The following MYO5C variants were observed in gnomAD, a reference collection of about 807,000 sequenced individuals.
The protein encoded by MYO5C is myosin VC.
MYO5C carries 194 observed loss-of-function variants against 235.7 expected under a neutral mutation model. The observed-to-expected ratio is 0.82, with a 90% CI of 0.73 to 0.93. The LOEUF is 0.93. MYO5C is among the 40% of genes least tolerant of loss of function. The pLI is 0.00. For missense variants in MYO5C, 2,038 were observed against 2,127.2 expected (o/e 0.96, Z 0.82); for synonymous variants, 707 against 754.8 (o/e 0.94, Z 1.04).
intron 38 of MYO5C, among the ~76,000 whole-genome samples, chr15:52,202,689 C>G (rs2035215388): frequency 6.6e-6 from 1 of 152,128 alleles, no homozygotes; most frequent in South Asian, 2.1e-4. Context: ...ACATAAAGAT[C>G]TGCAAAGACT....
intron 13 of MYO5C, among the ~76,000 whole-genome samples, chr15:52,249,944 TC>T (rs2036437074): frequency 6.6e-6 from 1 of 152,224 alleles, no homozygotes; most frequent in African/African-American, 2.4e-5. Flanking sequence ...CAATCCATAG[TC>T]CAGCCCAAAC....
intron 24 of MYO5C, among the ~76,000 whole-genome samples, 196 bp from the exon 25 acceptor site, chr15:52,229,509 A>G (rs537934238): frequency 2.6e-4 from 39 of 152,254 alleles, no homozygotes; most frequent in African/African-American, 9.4e-4. Flanking sequence ...CTGTAGTCCC[A>G]GCTACCCAGG....
At chr15:52,287,360 C>T (rs908721811) in intron 1 of MYO5C, among the ~76,000 whole-genome samples, 1 of 152,200 alleles carries the variant, frequency 6.6e-6, no homozygotes, top group African/African-American at 2.4e-5. Context: ...ACGGGCTACA[C>T]AGCTCCTACC....
intron 21 of MYO5C, among the ~76,000 whole-genome samples, 183 bp downstream of exon 21, chr15:52,239,550 T>C (rs2036166577): frequency 6.6e-6 from 1 of 152,226 alleles, no homozygotes; most frequent in Admixed American, 6.5e-5. Context: ...TATACAACTA[T>C]ACAACCTACA....
intron 12 of MYO5C, among the ~76,000 whole-genome samples, chr15:52,252,716 A>T (rs924065895): frequency 6.6e-6 from 1 of 151,902 alleles, no homozygotes; most frequent in Non-Finnish European, 1.5e-5. Context: ...CGGAGGTTGC[A>T]GTGAGCCGAG....
chr15:52,279,754 T>G, intron 2 of MYO5C, 80 bp from the exon 3 acceptor site: 1 of 1,344,502 alleles, frequency 7.4e-7, no homozygotes, highest in Non-Finnish European at 1.0e-6. Flanking sequence ...CTTTGTCCTA[T>G]CCACCCCTCC....
At chr15:52,292,838 TGACA>T (rs1207058247) in intron 1 of MYO5C, among the ~76,000 whole-genome samples, 8 of 152,116 alleles carry the variant, frequency 5.3e-5, no homozygotes, top group South Asian at 2.1e-4. Context: ...TGAGCAAAGG[TGACA>T]GACAGAGGCT....
chr15:52,210,537 G>A (rs2035422850), intron 35 of MYO5C, among the ~76,000 whole-genome samples: 1 of 152,174 alleles, frequency 6.6e-6, no homozygotes, highest in African/African-American at 2.4e-5. Flanking sequence ...AAAAGAGAGA[G>A]AGAGAAGGTT....
intron 1 of MYO5C, 146 bp downstream of exon 1, chr15:52,295,464 G>T (rs534752026): frequency 2.2e-6 from 2 of 903,256 alleles, no homozygotes; most frequent in East Asian, 3.4e-5. Context: ...CCTCCGCGGC[G>T]CCTCCGCGGC....
Position 52,213,364 on chromosome 15 carries a change from C to A in MYO5C, c.4043-78G>T, listed in dbSNP as rs1219155022. The A allele has an allele frequency of 5.9e-6, 6 of 1,020,424 alleles. No individual in the cohort carries two copies. The South Asian group carries it at 6.5e-5, about 11-fold the overall frequency. The allele number at this position is 1,020,424 out of a possible 1,614,324, so 63.2% of individuals were successfully genotyped here. A position where few individuals can be genotyped will look rare whatever the true frequency, so the allele number is the denominator to read the frequency against. ...TCTCACAATGTGACTACTCTCCTAC[C>A]CCATTCTGGCTGGTTTGCACGTAAA... On this transcript the variant is annotated intron_variant, in intron 33 of 40. Coordinates refer to ENST00000261839, the MANE Select transcript of MYO5C (RefSeq NM_018728.4).
chr15:52,277,064 C>A (rs16964849), intron 4 of MYO5C: 1 of 468,476 alleles, frequency 2.1e-6, no homozygotes, highest in African/African-American at 2.0e-5. Context: ...TACAGAGCCC[C>A]GGTCCAATAT....
chr15:52,266,867 G>A lies in MYO5C; in HGVS notation c.941-2571C>T, dbSNP rs77630122. On this transcript the variant is annotated intron_variant, in intron 8 of 40. Coordinates refer to ENST00000261839, the MANE Select transcript of MYO5C (RefSeq NM_018728.4). ...CTTGAAGGGAGAGTTGCAGGGAAGA[G>A]GTGCAGTGGCCCCAATCTCTTACCA... Among the ~76,000 whole-genome samples, 87 of 152,316 alleles carry A rather than the reference G, an allele frequency of 5.7e-4. 2 individuals carry two copies. In the East Asian group the frequency reaches 0.016, roughly 27 times the overall value.
rs552218047 is a variant in MYO5C at position 52,238,759 on chromosome 15, A to G, written c.2703+974T>C. Among the ~76,000 whole-genome samples, 1,232 of 151,498 alleles carry G rather than the reference A, an allele frequency of 8.1e-3. 12 individuals are homozygous for G. Among genetic ancestry groups the G allele is most frequent in the African/African-American group, 0.028 (1,168 of 41,222 alleles). On this transcript the variant is annotated intron_variant, in intron 21 of 40. Transcript: ENST00000261839. ...CAGGTTCATGCCATTCTCCTGCCTC[A>G]GCCTCCTGAGTAGCTGGGACTACAG...
In MYO5C at chr15:52,223,326, G is replaced by A. The variant is rs4405491; in HGVS notation, c.3627+218C>T. ...ACGCGCACACACAGACAATCACAGC[G>A]CCTGCAGCCATCCTGTGGTGAACAC... On this transcript the variant is annotated intron_variant, in intron 29 of 40. Coordinates refer to ENST00000261839, the MANE Select transcript of MYO5C (RefSeq NM_018728.4). Among the ~76,000 whole-genome samples the A allele has an allele frequency of 0.67, 102,140 of 152,052 alleles. 38,227 individuals carry two copies. Among genetic ancestry groups the A allele is most frequent in the Non-Finnish European group, 0.84 (56,901 of 67,984 alleles).
In MYO5C at chr15:52,205,106, C is replaced by T. The variant is rs369297061; in HGVS notation, c.4579G>A (p.Gly1527Ser). The T allele has an allele frequency of 3.0e-5, 48 of 1,614,180 alleles. No individual in the cohort carries two copies. In the African/African-American group the frequency reaches 4.8e-4, roughly 16 times the overall value. The stretch of plus-strand genomic sequence containing the variant: ...TTCCGGAAGCCTGTGGGCTTCAGGC[C>T]GGAAATGCCCTGCAGGCTCTCATAC... ...LEYESLQGISGLKPTGFRKRS... is the reference protein window; with the variant it reads ...LEYESLQGISSLKPTGFRKRS... The change falls in exon 38 of 41, where the codon GGC (glycine) becomes AGC (serine). Residue 1527 changes from glycine (G) to serine (S), a missense_variant. By Grantham distance (56) the Gly-to-Ser change is moderately conservative. Transcript: ENST00000261839.
chr15:52,245,622 G>A (rs111582590), intron 17 of MYO5C, among the ~76,000 whole-genome samples, 157 bp from the exon 18 acceptor site: 100 of 152,270 alleles, frequency 6.6e-4, no homozygotes, highest in African/African-American at 2.4e-3. Context: ...GCCTGCCTGG[G>A]ACACTACCAA....
rs185309445 is a variant in MYO5C, at chr15:52,198,561, G to C, written c.4821-2078C>G. Among the ~76,000 whole-genome samples, 234 of 152,044 alleles carry C rather than the reference G, an allele frequency of 1.5e-3. 1 individual carries two copies. The highest frequency in any genetic ancestry group is 5.3e-3 in the African/African-American group (220 of 41,506). On this transcript the variant is annotated intron_variant, in intron 38 of 40. Coordinates refer to ENST00000261839, the MANE Select transcript of MYO5C (RefSeq NM_018728.4). ...TTATTACTTTTGCTTAGTTTTTGTT[G>C]TTGTTGTTGTTGCTTTTTGTTTGTT...
chr15:52,207,009 T>C (rs529364948), intron 36 of MYO5C, among the ~76,000 whole-genome samples: 2 of 152,200 alleles, frequency 1.3e-5, no homozygotes, highest in South Asian at 4.1e-4. Context: ...GGCGCATGCC[T>C]GTAGCCACAG....
At chr15:52,253,900 G>C (rs2036526864) in intron 11 of MYO5C, among the ~76,000 whole-genome samples, 1 of 152,076 alleles carries the variant, frequency 6.6e-6, no homozygotes, top group African/African-American at 2.4e-5. Flanking sequence ...TACTCACTTG[G>C]GCTGTAAGGG....
Sources: allele counts gnomAD v4.1 joint callset (sites outside exome capture counted in the v4.1 genomes callset), GRCh38; gene constraint gnomAD v4.1.1; transcripts MANE v1.5; gene names NCBI Gene and HGNC (gene_info 2026-07-23, HGNC 2026-07-21).